NUBPL: variants seen among roughly 807,000 people sequenced by gnomAD.
NUBPL encodes the protein NUBP iron-sulfur cluster assembly factor, mitochondrial.
Under a neutral mutation model 45.7 loss-of-function variants are expected in NUBPL, and 31 were observed. The ratio of observed to expected loss-of-function variants is 0.68; its 90% CI spans 0.51 to 0.92. The LOEUF (loss-of-function observed/expected upper bound fraction) is 0.92, where lower values mean the gene tolerates loss of function less well. Among genes scored for constraint, NUBPL ranks in the 40% least tolerant of loss-of-function variants. The pLI, the probability that NUBPL is intolerant of heterozygous loss-of-function variation, is 0.00. For synonymous variants in NUBPL, 144 were observed against 140.9 expected (o/e 1.02, Z -0.15); for missense variants, 401 against 398.7 (o/e 1.01, Z -0.05).
intron 4 of NUBPL, among the ~76,000 whole-genome samples, chr14:31,667,215 T>G (rs1009463379): frequency 2.0e-5 from 3 of 152,162 alleles, no homozygotes; most frequent in African/African-American, 7.2e-5. Context: ...TCTTTTCACA[T>G]AGTCCCATAT....
intron 6 of NUBPL, among the ~76,000 whole-genome samples, chr14:31,750,443 C>T (rs897586732): frequency 1.3e-5 from 2 of 151,114 alleles, no homozygotes; most frequent in Non-Finnish European, 2.9e-5. Flanking sequence ...GTGATCCTCC[C>T]GCCTCGGCCT....
chr14:31,619,138 T>C (rs1315016318), intron 4 of NUBPL, among the ~76,000 whole-genome samples: 1 of 152,190 alleles, frequency 6.6e-6, no homozygotes, highest in Non-Finnish European at 1.5e-5. Context: ...ATTTGCTTGG[T>C]AAATATTCCT....
intron 6 of NUBPL, among the ~76,000 whole-genome samples, chr14:31,679,708 G>T (rs1338970958): frequency 1.3e-5 from 2 of 151,964 alleles, no homozygotes; most frequent in African/African-American, 4.8e-5. Flanking sequence ...TTCCAACTGT[G>T]TTTTTTCAAT....
At chr14:31,719,896 A>C (rs750176948) in intron 6 of NUBPL, among the ~76,000 whole-genome samples, 1 of 152,094 alleles carries the variant, frequency 6.6e-6, no homozygotes, top group South Asian at 2.1e-4. Flanking sequence ...TGTCATGAAC[A>C]TTTTACCCTG....
intron 4 of NUBPL, among the ~76,000 whole-genome samples, chr14:31,665,586 AG>A (rs1185386633): frequency 1.3e-5 from 2 of 152,120 alleles, no homozygotes; most frequent in African/African-American, 4.8e-5. Context: ...CCATGGTGTG[AG>A]AGAGAGACTG....
chr14:31,646,186 C>T (rs1177638732), intron 4 of NUBPL, among the ~76,000 whole-genome samples: 8 of 151,886 alleles, frequency 5.3e-5, no homozygotes, highest in Admixed American at 5.3e-4. Flanking sequence ...CTTCCCTGCC[C>T]TTCCCCCGCT....
chr14:31,585,173 A>G (rs947990400), intron 3 of NUBPL, among the ~76,000 whole-genome samples: 2 of 152,146 alleles, frequency 1.3e-5, no homozygotes, highest in African/African-American at 4.8e-5. Context: ...CCTGGGCCAC[A>G]TTGGAAGAAG....
chr14:31,639,895 C>T (rs764221757), intron 4 of NUBPL, among the ~76,000 whole-genome samples: 29 of 152,226 alleles, frequency 1.9e-4, no homozygotes, highest in Non-Finnish European at 3.5e-4. Context: ...TATCCAGGTG[C>T]GGGATATAAT....
intron 6 of NUBPL, among the ~76,000 whole-genome samples, chr14:31,727,832 A>G (rs73255125): frequency 0.066 from 10,021 of 152,278 alleles, 426 homozygotes; most frequent in Non-Finnish European, 0.092. Context: ...TTCTTGTCAC[A>G]TCACACTTTG....
At chr14:31,706,584 A>G (rs1016380430) in intron 6 of NUBPL, among the ~76,000 whole-genome samples, 1 of 152,160 alleles carries the variant, frequency 6.6e-6, no homozygotes, top group African/African-American at 2.4e-5. Context: ...GGCATCTTCT[A>G]CTATCCCTTA....
intron 4 of NUBPL, among the ~76,000 whole-genome samples, chr14:31,608,384 T>A (rs2034660751): frequency 6.6e-6 from 1 of 152,026 alleles, no homozygotes. Flanking sequence ...TGAAACCCTG[T>A]CTCTACTAAA....
intron 7 of NUBPL, among the ~76,000 whole-genome samples, chr14:31,817,231 C>T (rs2039936305): frequency 6.6e-6 from 1 of 151,978 alleles, no homozygotes; most frequent in Non-Finnish European, 1.5e-5. Flanking sequence ...AGAATGAAAC[C>T]AAGTTGAAAA....
intron 6 of NUBPL, among the ~76,000 whole-genome samples, chr14:31,745,696 G>A (rs1020714303): frequency 1.3e-5 from 2 of 151,836 alleles, no homozygotes; most frequent in African/African-American, 4.9e-5. Flanking sequence ...GAGTTTGTGG[G>A]GTGCACGGTA....
intron 6 of NUBPL, among the ~76,000 whole-genome samples, chr14:31,677,893 G>A (rs891259661): frequency 3.3e-5 from 5 of 152,212 alleles, no homozygotes; most frequent in African/African-American, 1.2e-4. Context: ...TCAGGGCAGT[G>A]AGTTCTCCCA....
At chr14:31,697,031 T>C (rs1326603192) in intron 6 of NUBPL, among the ~76,000 whole-genome samples, 1 of 152,190 alleles carries the variant, frequency 6.6e-6, no homozygotes, top group African/African-American at 2.4e-5. Context: ...ATTTGACCAG[T>C]GTTTCAAATA....
intron 3 of NUBPL, among the ~76,000 whole-genome samples, chr14:31,567,358 T>C (rs1001145935): frequency 6.6e-6 from 1 of 152,194 alleles, no homozygotes; most frequent in Admixed American, 6.5e-5. Flanking sequence ...TTTGAGTATT[T>C]TTCAGCATAG....
At chr14:31,572,093 G>A (rs1323908288) in intron 3 of NUBPL, among the ~76,000 whole-genome samples, 1 of 152,006 alleles carries the variant, frequency 6.6e-6, no homozygotes, top group Non-Finnish European at 1.5e-5. Context: ...TAGATCCTGT[G>A]CTCTTAACGT....
At chr14:31,726,819 G>A (rs146031843) in intron 6 of NUBPL, among the ~76,000 whole-genome samples, 226 of 148,312 alleles carry the variant, frequency 1.5e-3, no homozygotes, top group Middle Eastern at 0.014. Context: ...GAAGTCAAAG[G>A]CATCACTGCA....
At chr14:31,707,412 A>G (rs936340111) in intron 6 of NUBPL, among the ~76,000 whole-genome samples, 1 of 151,900 alleles carries the variant, frequency 6.6e-6, no homozygotes, top group African/African-American at 2.4e-5. Flanking sequence ...TTTCTCTTTG[A>G]CTTCTCCTTT....
Sources: gnomAD v4.1 joint callset for allele counts (sites outside exome capture counted in the v4.1 genomes callset) on GRCh38, gnomAD v4.1.1 for gene constraint, MANE v1.5 for transcripts, NCBI Gene and HGNC (gene_info 2026-07-23, HGNC 2026-07-21) for gene names.